The following TDRD6 variants were observed in gnomAD, a reference collection of about 807,000 sequenced individuals.
The protein encoded by TDRD6 is tudor domain containing 6, also known as tudor domain-containing protein 6.
A neutral mutation model predicts 157.5 loss-of-function variants in TDRD6; 186 were observed. The observed-to-expected ratio is 1.18, with a 90% CI of 1.05 to 1.33. The LOEUF is 1.33. Among genes scored for constraint, TDRD6 ranks in the 40% most tolerant of loss-of-function variants. The pLI is 0.00. For missense variants in TDRD6, 3,066 were observed against 2,508.0 expected, an observed-to-expected ratio of 1.22 and a Z score of -4.75; for synonymous variants, 1,075 against 945.2, an observed-to-expected ratio of 1.14 and a Z score of -2.52.
At chr6:46,681,415 G>T in the TDRD6 span, 2 of 390,608 alleles carry the variant, frequency 5.1e-6, no homozygotes, top group South Asian at 1.9e-5. Context: ...ATCACTATTT[G>T]GCCTTCATTG....
At chr6:46,696,980 G>T (rs1488836754) in intron 2 of TDRD6, among the ~76,000 whole-genome samples, 1 of 151,920 alleles carries the variant, frequency 6.6e-6, no homozygotes, top group Non-Finnish European at 1.5e-5. Context: ...CTGGGGTTAG[G>T]ATTCCAGAAT....
In TDRD6 at chr6:46,693,167, C is replaced by T. The variant is rs760429983; in HGVS notation, c.5039C>T (p.Ala1680Val). The change falls in exon 1 of 4, where the codon GCA becomes GTA. Residue 1680 changes from alanine to valine, a missense_variant. Ala to Val is a moderately conservative substitution (Grantham distance 64). Transcript: ENST00000316081. Reference protein sequence around the residue: ...IRRDVCDIPLAIVDLKSKGKS... With the variant: ...IRRDVCDIPLVIVDLKSKGKS... ...AGGGATGTTTGTGATATCCCTTTAG[C>T]AATTGTTGACTTGAAAAGCAAAGGT... The T allele has an allele frequency of 1.2e-6, 2 of 1,608,772 alleles. No individual in the cohort carries two copies. The highest frequency in any genetic ancestry group is 1.7e-6 in the Non-Finnish European group (2 of 1,177,916).
rs1764226708 is a variant in TDRD6, at chr6:46,689,267, G to A, written c.1139G>A (p.Gly380Glu). 6.2e-7 allele frequency: 1 copy of A among 1,614,040 alleles called. No individual in the cohort carries two copies. The highest frequency in any genetic ancestry group is 1.1e-5 in the South Asian group (1 of 91,076). The change falls in exon 1 of 4, where the codon GGA (glycine) becomes GAA (glutamate). Residue 380 changes from glycine (G) to glutamate (E), a missense_variant. Physicochemically the swap from Gly to Glu is moderately conservative, Grantham distance 98. Coordinates refer to ENST00000316081, the MANE Select transcript of TDRD6 (RefSeq NM_001010870.3). ...PVVTYPCALY[G>E]LWDGGRGWSR... ...GTGACCTACCCTTGTGCTTTGTATG[G>A]ACTCTGGGACGGTGGGAGAGGCTGG...
In TDRD6 at chr6:46,689,278, G is replaced by A; in HGVS notation, c.1150G>A (p.Gly384Ser). The A allele has an allele frequency of 3.1e-6, 5 of 1,614,158 alleles. No homozygotes were observed. The highest frequency in any genetic ancestry group is 2.2e-5 in the South Asian group (2 of 91,086). ...YPCALYGLWD[G>S]GRGWSRSQVG... ...TTGTGCTTTGTATGGACTCTGGGAC[G>A]GTGGGAGAGGCTGGTCTCGGTCACA... The change falls in exon 1 of 4, where the codon GGT (glycine) becomes AGT (serine). Residue 384 changes from glycine (G) to serine (S), a missense_variant. Physicochemically the swap from Gly to Ser is moderately conservative, Grantham distance 56 (BLOSUM62 0). Transcript: ENST00000316081.
In TDRD6 at chr6:46,702,311, T is replaced by G. The variant is rs1764644733; in HGVS notation, c.*424T>G. ...CAGGATCTCCTTCAGAATTTTTGTC[T>G]TGACTTTGAATCTTTGCCTGTTTGT... On this transcript the variant is annotated 3_prime_UTR_variant, in exon 4 of 4. Coordinates refer to ENST00000316081, the MANE Select transcript of TDRD6 (RefSeq NM_001010870.3). The G allele has an allele frequency of 6.5e-6, 1 of 153,200 alleles. No homozygotes were observed. The highest frequency in any genetic ancestry group is 6.5e-5 in the Admixed American group (1 of 15,312). The allele number at this position is 153,200 out of a possible 1,614,324, so 9.5% of individuals were successfully genotyped here.
In TDRD6 at chr6:46,688,779, T is replaced by A. The variant is rs1204543311; in HGVS notation, c.651T>A (p.Thr217=). ...TGGAGCGCTATCTCACAGCGGCCAC[T>A]GCTAGCGTGGGCTCCGGGGTCCCGG... is the stretch of plus-strand genomic sequence containing the variant. ...SLLERYLTAA[T]ASVGSGVPVL... Residue 217 remains threonine (T), a synonymous_variant, in exon 1 of 4, where the codon ACT becomes ACA. Coordinates refer to ENST00000316081, the MANE Select transcript of TDRD6 (RefSeq NM_001010870.3). 1.2e-6 allele frequency: 2 copies of A among 1,608,532 alleles called. No homozygotes were observed. Among genetic ancestry groups the A allele is most frequent in the African/African-American group, 2.7e-5 (2 of 74,950 alleles).
the TDRD6 span, chr6:46,681,463 T>A: frequency 2.6e-5 from 12 of 459,892 alleles, no homozygotes; most frequent in Non-Finnish European, 5.0e-5. Context: ...CTCAAGTGTT[T>A]TATTATTTCT....
rs1192090668 is a variant in TDRD6 at position 46,693,381 on chromosome 6, T to C, written c.5253T>C (p.Ala1751=). 6.2e-7 allele frequency: 1 copy of C among 1,612,476 alleles called. No individual in the cohort carries two copies. The highest frequency in any genetic ancestry group is 8.5e-7 in the Non-Finnish European group (1 of 1,179,622). The change falls in exon 1 of 4, where the codon GCT becomes GCC. Residue 1751 remains alanine, a synonymous_variant. Coordinates refer to ENST00000316081, the MANE Select transcript of TDRD6 (RefSeq NM_001010870.3). ...IYMEQQTDEL[A]EITEKDVNII... ...TGGAACAACAGACAGATGAGCTTGC[T>C]GAAATAACTGAAAAAGATGTAAACA... is the stretch of plus-strand genomic sequence containing the variant.
At position 46,688,276 on chromosome 6, in the gene TDRD6, A is replaced by C; in HGVS notation, c.148A>C (p.Ile50Leu). ...RGEYLRLSRE[I>L]QEAAATRGQW... is the part of the protein sequence containing the mutation. ...CGAGTACCTGCGGCTGAGCCGGGAA[A>C]TCCAGGAAGCGGCGGCCACGCGCGG... Residue 50 changes from isoleucine to leucine, a missense_variant, in exon 1 of 4, where the codon ATC becomes CTC. Ile to Leu is a conservative substitution (Grantham distance 5). Transcript: ENST00000316081. The C allele has an allele frequency of 6.7e-7, 1 of 1,502,574 alleles. No individual in the cohort carries two copies. Among genetic ancestry groups the C allele is most frequent in the Admixed American group, 2.3e-5 (1 of 44,128 alleles). The allele number at this position is 1,502,574 out of a possible 1,614,324, so 93.1% of individuals were successfully genotyped here. A position where few individuals can be genotyped will look rare whatever the true frequency, so the allele number is the denominator to read the frequency against.
At chr6:46,685,784 C>T (rs1217407046), upstream of TDRD6, among the ~76,000 whole-genome samples, 2 of 146,366 alleles carry the variant, frequency 1.4e-5, no homozygotes, top group South Asian at 4.4e-4. Context: ...AAAAAAAAAT[C>T]CCCTCTCCCT....
chr6:46,686,812 G>A (rs751995645), upstream of TDRD6, among the ~76,000 whole-genome samples: 1 of 152,232 alleles, frequency 6.6e-6, no homozygotes, highest in African/African-American at 2.4e-5. Flanking sequence ...TGGGATGATA[G>A]AGATCAGACA....
In TDRD6 at chr6:46,688,395, G is replaced by A. The variant is rs1186692441; in HGVS notation, c.267G>A (p.Arg89=). ...LLWHRCRVVS[R]QAQESRVFLL... is the part of the protein sequence containing the mutation. Reference sequence around the variant, plus strand: ...GGCACCGCTGCCGCGTGGTCAGCCGGCAGGCACAGGAGAGCCGTGTCTTCC... The same window carrying A: ...GGCACCGCTGCCGCGTGGTCAGCCGACAGGCACAGGAGAGCCGTGTCTTCC... Residue 89 remains arginine (R), a synonymous_variant, in exon 1 of 4, where the codon CGG becomes CGA. Coordinates refer to ENST00000316081, the MANE Select transcript of TDRD6 (RefSeq NM_001010870.3). 6.5e-7 allele frequency: 1 copy of A among 1,537,192 alleles called. No homozygotes were observed. The highest frequency in any genetic ancestry group is 8.7e-7 in the Non-Finnish European group (1 of 1,145,328).
upstream of TDRD6, chr6:46,687,811 G>C (rs1332657745): frequency 3.1e-6 from 1 of 318,018 alleles, no homozygotes; most frequent in Non-Finnish European, 5.8e-6. Flanking sequence ...TTAGGCGTTA[G>C]GCCAACCCCA....
Position 46,689,673 on chromosome 6 carries a change from G to A in TDRD6, c.1545G>A (p.Lys515=), listed in dbSNP as rs1764245872. The change falls in exon 1 of 4, where the codon AAG becomes AAA. Residue 515 remains lysine, a synonymous_variant. Transcript: ENST00000316081. ...GGAAACACAATGTCACCTTCAGTAA[G>A]CTGATGAGGAGAATGTGTGGTTTCT... ...RLRKHNVTFS[K]LMRRMCGFYS... is the part of the protein sequence containing the mutation. 1.2e-6 allele frequency: 2 copies of A among 1,614,112 alleles called. No homozygotes were observed. Among genetic ancestry groups the A allele is most frequent in the South Asian group, 1.1e-5 (1 of 91,086 alleles).
rs750773483 is a variant in TDRD6 at position 46,691,901 on chromosome 6, AAG to A, written c.3775_3776del (p.Glu1259ArgfsTer5). On this transcript the variant is annotated frameshift_variant, in exon 1 of 4. Coordinates refer to ENST00000316081, the MANE Select transcript of TDRD6 (RefSeq NM_001010870.3). LOFTEE classifies it high-confidence loss of function. ...GTGTTTCCATTAACAACAGAAAAGA[AAG>A]AAGAAATTTCTGCTGAGACACCCTT... 5.0e-6 allele frequency: 8 copies of A among 1,594,782 alleles called. No individual in the cohort carries two copies. The highest frequency in any genetic ancestry group is 6.8e-6 in the Non-Finnish European group (8 of 1,174,808).
chr6:46,689,968 CAGG>C lies in TDRD6; in HGVS notation c.1844_1846del (p.Glu615del). On this transcript the variant is annotated inframe_deletion, in exon 1 of 4. Transcript: ENST00000316081. ...TTGGCCTTTGGGAAAAACTTGGAGC[CAGG>C]AGGCAGTTTCCTTTTTTAAAAAGAC... 2.5e-6 allele frequency: 4 copies of C among 1,613,632 alleles called. No homozygotes were observed. Among genetic ancestry groups the C allele is most frequent in the Non-Finnish European group, 3.4e-6 (4 of 1,179,756 alleles).
chr6:46,694,335 T>G (rs1764438496), intron 1 of TDRD6, among the ~76,000 whole-genome samples, 161 bp downstream of exon 1: 1 of 151,748 alleles, frequency 6.6e-6, no homozygotes. Context: ...CCCAAGTAGC[T>G]GGGACTACAG....
rs1562057379 is a variant in TDRD6 at position 46,692,692 on chromosome 6, A to T, written c.4564A>T (p.Arg1522Ter). The T allele has an allele frequency of 6.2e-7, 1 of 1,613,826 alleles. No individual in the cohort carries two copies. The change falls in exon 1 of 4, where the codon AGA becomes TGA. Residue 1522 changes from arginine (R) to a stop codon, truncating the protein, a stop_gained. Transcript: ENST00000316081. LOFTEE classifies it high-confidence loss of function. ...GTATAATCCAGAAAAAAAAATGATAAGAGCTTATGCCACTGTGATAGATGG... is the reference window on the plus strand; with the variant it reads ...GTATAATCCAGAAAAAAAAATGATATGAGCTTATGCCACTGTGATAGATGG... ...NWYNPEKKMI[R>*]AYATVIDGPE...
chr6:46,688,533 G>T lies in TDRD6; in HGVS notation c.405G>T (p.Val135=), dbSNP rs1764184956. The T allele has an allele frequency of 1.3e-6, 2 of 1,572,782 alleles. No homozygotes were observed. The highest frequency in any genetic ancestry group is 8.6e-7 in the Non-Finnish European group (1 of 1,164,016). ...TGGGCTGCGTGCTAGCGGGCCTGGT[G>T]CCGGCAGGCTGCGGCGCGGGCTCAG... The part of the protein sequence containing the change: ...EVLGCVLAGL[V]PAGCGAGSGE... The change falls in exon 1 of 4, where the codon GTG becomes GTT. Residue 135 remains valine (V), a synonymous_variant. Coordinates refer to ENST00000316081, the MANE Select transcript of TDRD6 (RefSeq NM_001010870.3).
Sources: gnomAD v4.1 joint callset for allele counts (sites outside exome capture counted in the v4.1 genomes callset) on GRCh38, gnomAD v4.1.1 for gene constraint, MANE v1.5 for transcripts, NCBI Gene and HGNC (gene_info 2026-07-23, HGNC 2026-07-21) for gene names.